The following OR51B5 variants were observed in gnomAD, a reference collection of about 807,000 sequenced individuals.
The protein encoded by OR51B5 is olfactory receptor 51B5.
For missense variants in OR51B5, 456 were observed against 374.6 expected (o/e 1.22, Z -1.79); for synonymous variants, 186 against 144.8 (o/e 1.28, Z -2.04).
intron 1 of OR51B5, chr11:5,352,364 A>T: frequency 6.2e-7 from 1 of 1,613,774 alleles, no homozygotes; most frequent in Non-Finnish European, 8.5e-7. Flanking sequence ...CCTTTTATGA[A>T]CCCATTTATC....
At position 5,351,977 on chromosome 11, in the gene OR51B5, T is replaced by C; in HGVS notation, n.85-5067A>G. 1 of 1,613,316 alleles carries C rather than the reference T, an allele frequency of 6.2e-7. No individual in the cohort carries two copies. Among genetic ancestry groups the C allele is most frequent in the Non-Finnish European group, 8.5e-7 (1 of 1,179,270 alleles). On this transcript the variant is annotated intron_variant and non_coding_transcript_variant, in intron 1 of 4. Transcript: ENST00000415970. ...AGGGCTGGTCTGTCCATTATGCCAA[T>C]AGTTGTTCGCCTACACTGGTTTCCC...
intron 1 of OR51B5, chr11:5,390,417 A>C (rs758629043): frequency 1.3e-6 from 2 of 1,507,774 alleles, no homozygotes; most frequent in South Asian, 1.3e-5. Flanking sequence ...GCCTATAAGA[A>C]GGCCCCAAAT....
At chr11:5,344,120 G>A (rs982803217), upstream of OR51B5, among the ~76,000 whole-genome samples, 1 of 152,178 alleles carries the variant, frequency 6.6e-6, no homozygotes, top group Middle Eastern at 3.2e-3. Flanking sequence ...CAGATTTCAT[G>A]GACTAGTGAT....
chr11:5,347,942 T>C (rs925132065), upstream of OR51B5, among the ~76,000 whole-genome samples: 6 of 152,088 alleles, frequency 3.9e-5, no homozygotes, highest in Admixed American at 2.6e-4. Context: ...CGGCTAAAGA[T>C]GTGAGATACA....
chr11:5,464,421 A>G (rs997414486), intron 1 of OR51B5, among the ~76,000 whole-genome samples: 2 of 151,518 alleles, frequency 1.3e-5, no homozygotes, highest in Non-Finnish European at 2.9e-5. Context: ...TATATCTCCC[A>G]ATGCTATCCC....
chr11:5,374,842 C>T (rs1849499121), intron 1 of OR51B5, among the ~76,000 whole-genome samples: 2 of 152,174 alleles, frequency 1.3e-5, no homozygotes, highest in East Asian at 3.9e-4. Flanking sequence ...GTGAAAAGAT[C>T]AAATCTAGGT....
chr11:5,351,089 A>C (rs1377696653), intron 1 of OR51B5, among the ~76,000 whole-genome samples: 1 of 152,156 alleles, frequency 6.6e-6, no homozygotes, highest in Non-Finnish European at 1.5e-5. Flanking sequence ...AAACCTTTAC[A>C]TCCACCCTAT....
At chr11:5,413,807 T>C (rs957684672) in intron 1 of OR51B5, among the ~76,000 whole-genome samples, 2 of 151,692 alleles carry the variant, frequency 1.3e-5, no homozygotes, top group Non-Finnish European at 2.9e-5. Flanking sequence ...CTACATCTGA[T>C]TGGTGTACCT....
chr11:5,357,346 C>G (rs1453836569), intron 1 of OR51B5, among the ~76,000 whole-genome samples: 1 of 150,828 alleles, frequency 6.6e-6, no homozygotes, highest in East Asian at 1.9e-4. Context: ...ATAAAACAGG[C>G]TTTAAACCAA....
intron 1 of OR51B5, among the ~76,000 whole-genome samples, chr11:5,413,800 C>G (rs907257027): frequency 1.8e-4 from 28 of 151,672 alleles, no homozygotes; most frequent in Non-Finnish European, 7.4e-5. Flanking sequence ...ACCAAATCTA[C>G]ATCTGATTGG....
At chr11:5,355,232 T>TCTTG (rs1274143948) in intron 1 of OR51B5, 4 of 177,086 alleles carry the variant, frequency 2.3e-5, no homozygotes, top group African/African-American at 7.2e-5. Flanking sequence ...TTTGAAGAGT[T>TCTTG]TAATGGTGAC....
intron 1 of OR51B5, among the ~76,000 whole-genome samples, chr11:5,387,955 G>C (rs1849725742): frequency 6.6e-6 from 1 of 152,004 alleles, no homozygotes; most frequent in Non-Finnish European, 1.5e-5. Flanking sequence ...TGTATTTTCA[G>C]TACCTAGGTG....
At chr11:5,356,689 T>C (rs1354581541) in intron 1 of OR51B5, among the ~76,000 whole-genome samples, 2 of 123,984 alleles carry the variant, frequency 1.6e-5, no homozygotes, top group Non-Finnish European at 3.6e-5. Context: ...TTCACCAAAG[T>C]TGAAATGAAG....
intron 1 of OR51B5, among the ~76,000 whole-genome samples, chr11:5,487,184 G>T (rs1378510263): frequency 6.6e-6 from 1 of 152,050 alleles, no homozygotes; most frequent in South Asian, 2.1e-4. Flanking sequence ...CACTTCTCTG[G>T]GATTGGTCTT....
chr11:5,341,843 TAGAATA>T (rs1848899646), downstream of OR51B5, among the ~76,000 whole-genome samples: 1 of 152,190 alleles, frequency 6.6e-6, no homozygotes, highest in Non-Finnish European at 1.5e-5. Context: ...ACTAGGGTAG[TAGAATA>T]AGAATGAGAG....
At chr11:5,459,089 T>C (rs1394396099) in intron 1 of OR51B5, among the ~76,000 whole-genome samples, 1 of 152,212 alleles carries the variant, frequency 6.6e-6, no homozygotes, top group East Asian at 1.9e-4. Flanking sequence ...GGCTGTTAGT[T>C]TCTCATAGAC....
At chr11:5,355,099 A>C (rs1319640217) in intron 1 of OR51B5, 3 of 181,220 alleles carry the variant, frequency 1.7e-5, no homozygotes, top group Non-Finnish European at 2.4e-5. Flanking sequence ...CACCAAGTGC[A>C]GCAGGAAGCT....
At chr11:5,343,789 TCTC>T (rs1848945514), upstream of OR51B5, among the ~76,000 whole-genome samples, 8 of 152,328 alleles carry the variant, frequency 5.3e-5, no homozygotes, top group African/African-American at 1.7e-4. Flanking sequence ...ATTTAAGCAT[TCTC>T]TTCAGAAAAA....
intron 1 of OR51B5, among the ~76,000 whole-genome samples, chr11:5,494,620 G>C (rs1041590452): frequency 3.3e-5 from 5 of 152,148 alleles, no homozygotes; most frequent in Admixed American, 6.6e-5. Flanking sequence ...ACTTTCTGGA[G>C]TGAAACAAGC....
Sources: gnomAD v4.1 joint callset for allele counts (sites outside exome capture counted in the v4.1 genomes callset) on GRCh38, gnomAD v4.1.1 for gene constraint, MANE v1.5 for transcripts, NCBI Gene and HGNC (gene_info 2026-07-23, HGNC 2026-07-21) for gene names.